UCKL1: variants seen among roughly 807,000 people sequenced by gnomAD.
UCKL1 encodes uridine-cytidine kinase 1 like 1.
Under a neutral mutation model 59.2 loss-of-function variants are expected in UCKL1, and 65 were observed. The ratio of observed to expected loss-of-function variants is 1.10; its 90% confidence interval spans 0.90 to 1.35. The LOEUF (loss-of-function observed/expected upper bound fraction) is 1.35, where lower values mean the gene tolerates loss of function less well. UCKL1 is among the 40% of genes most tolerant of loss of function. The pLI, the probability that UCKL1 is intolerant of heterozygous loss-of-function variation, is 0.00. For missense variants in UCKL1, 703 were observed against 784.3 expected (o/e 0.90, Z 1.24); for synonymous variants, 410 against 323.1 (o/e 1.27, Z -2.88).
intron 1 of UCKL1, chr20:63,950,638 G>C (rs916475408): frequency 4.2e-6 from 5 of 1,192,872 alleles, no homozygotes; most frequent in Middle Eastern, 2.0e-4. Context: ...GTGCCCGAGA[G>C]CACCTGCCAG....
intron 8 of UCKL1, among the ~76,000 whole-genome samples, chr20:63,941,789 G>A (rs570451176): frequency 6.6e-6 from 1 of 152,228 alleles, no homozygotes; most frequent in South Asian, 2.1e-4. Flanking sequence ...AAAGGGCGGG[G>A]TGGAGGCAAG....
At position 63,940,932 on chromosome 20, in the gene UCKL1, G is replaced by A. The variant is rs565540764; in HGVS notation, c.1116+18C>T. On this transcript the variant is annotated intron_variant, in intron 10 of 14. Coordinates refer to ENST00000354216, the MANE Select transcript of UCKL1 (RefSeq NM_017859.4). ...CTCCAAGACCCACCCTCCACCTCGC[G>A]GGCTACGGGCTACGAACCTGAAAGG... is the stretch of plus-strand genomic sequence containing the variant. The A allele has an allele frequency of 1.3e-6, 2 of 1,518,844 alleles. No individual in the cohort carries two copies. Among genetic ancestry groups the A allele is most frequent in the East Asian group, 2.3e-5 (1 of 43,896 alleles). The allele number at this position is 1,518,844 out of a possible 1,614,324, so 94.1% of individuals were successfully genotyped here.
At position 63,946,610 on chromosome 20, in the gene UCKL1, T is replaced by G; in HGVS notation, c.147A>C (p.Pro49=). The G allele has an allele frequency of 6.2e-7, 1 of 1,610,342 alleles. No homozygotes were observed. The highest frequency in any genetic ancestry group is 8.5e-7 in the Non-Finnish European group (1 of 1,179,830). ...GGGGAGAGCGCCCAGTGCCCACAGG[T>G]GGCAGGAGCCTGTCCAGGGACTCTG... ...SNAESLDRLL[P]PVGTGRSPRK... The change falls in exon 2 of 15, where the codon CCA becomes CCC. Residue 49 remains proline, a synonymous_variant. Coordinates refer to ENST00000354216, the MANE Select transcript of UCKL1 (RefSeq NM_017859.4).
intron 1 of UCKL1, chr20:63,950,880 T>C: frequency 6.9e-7 from 1 of 1,447,542 alleles, no homozygotes; most frequent in Non-Finnish European, 9.1e-7. Flanking sequence ...CAGGGGTGGA[T>C]GCGTGGGGGC....
Position 63,939,902 on chromosome 20 carries a change from A to G in UCKL1, c.*74T>C. 8.2e-7 allele frequency: 1 copy of G among 1,226,760 alleles called. No homozygotes were observed. The highest frequency in any genetic ancestry group is 2.3e-5 in the East Asian group (1 of 42,598). 76.0% of individuals were successfully genotyped at this position (1,226,760 alleles called of 1,614,324 possible). A position where few individuals can be genotyped will look rare whatever the true frequency, so the allele number is the denominator to read the frequency against. ...TATACTAGTAACATTTTAAAAATTA[A>G]CATCTTTGTATTCAGCAGTCCTGGG... On this transcript the variant is annotated 3_prime_UTR_variant, in exon 15 of 15. Coordinates refer to ENST00000354216, the MANE Select transcript of UCKL1 (RefSeq NM_017859.4).
intron 1 of UCKL1, among the ~76,000 whole-genome samples, chr20:63,948,712 G>T (rs914427893): frequency 6.8e-6 from 1 of 146,418 alleles, no homozygotes; most frequent in Non-Finnish European, 1.5e-5. Flanking sequence ...TAAGGGAGGG[G>T]GTGTGTGTGA....
In UCKL1 at chr20:63,956,297, G is replaced by T; in HGVS notation, c.76C>A (p.Arg26=). 6.4e-7 allele frequency: 1 copy of T among 1,562,746 alleles called. No homozygotes were observed. The highest frequency in any genetic ancestry group is 8.6e-7 in the Non-Finnish European group (1 of 1,158,864). ...SPPTARDTPG[R]QAEKSETACE... is the part of the protein sequence containing the mutation. ...GCGGTCTCGCTTTTCTCAGCCTGCC[G>T]GCCTGGTGTGTCTCGGGCCGTAGGT... Residue 26 remains arginine (R), a synonymous_variant, in exon 1 of 15, where the codon CGG becomes AGG. Coordinates refer to ENST00000354216, the MANE Select transcript of UCKL1 (RefSeq NM_017859.4).
chr20:63,946,623 T>C lies in UCKL1; in HGVS notation c.134A>G (p.Asp45Gly), dbSNP rs570514825. The C allele has an allele frequency of 1.2e-5, 20 of 1,609,314 alleles. No individual in the cohort carries two copies. The East Asian group carries it at 4.2e-4, about 34-fold the overall frequency. The part of the protein sequence containing the change: ...CEDRSNAESL[D>G]RLLPPVGTGR... ...AGTGCCCACAGGTGGCAGGAGCCTGTCCAGGGACTCTGCATTGCTGCTGCA... is the reference window on the plus strand; with the variant it reads ...AGTGCCCACAGGTGGCAGGAGCCTGCCCAGGGACTCTGCATTGCTGCTGCA... Residue 45 changes from aspartate (D) to glycine (G), a missense_variant, in exon 2 of 15, where the codon GAC becomes GGC. Asp to Gly is a moderately conservative substitution (Grantham distance 94). Transcript: ENST00000354216.
chr20:63,947,273 G>A (rs1437883225), intron 1 of UCKL1, among the ~76,000 whole-genome samples: 2 of 152,216 alleles, frequency 1.3e-5, no homozygotes, highest in Admixed American at 6.5e-5. Flanking sequence ...ACAGGCACTG[G>A]CTGGGCCAGG....
chr20:63,948,600 CGTGT>C (rs1569122055), intron 1 of UCKL1: 21 of 26,086 alleles, frequency 8.1e-4, no homozygotes, highest in African/African-American at 1.8e-3. Flanking sequence ...AGGGAGGGGG[CGTGT>C]GTGAGAGGGA....
At position 63,943,719 on chromosome 20, in the gene UCKL1, C is replaced by T. The variant is rs192957437; in HGVS notation, c.907-50G>A. 4.7e-5 allele frequency: 76 copies of T among 1,611,442 alleles called. No individual in the cohort carries two copies. The East Asian group carries it at 1.4e-3, about 30-fold the overall frequency. On this transcript the variant is annotated intron_variant, in intron 7 of 14. Coordinates refer to ENST00000354216, the MANE Select transcript of UCKL1 (RefSeq NM_017859.4). ...CAAGGGAACGGTGGCGCGTCAGTGA[C>T]CAGGGCAGGCGGCCAGGCCACCCCC...
chr20:63,953,756 C>T (rs1353262350), intron 1 of UCKL1: 5 of 152,494 alleles, frequency 3.3e-5, no homozygotes, highest in African/African-American at 1.2e-4. Flanking sequence ...AGGGCTGCCC[C>T]TCACGAACCA....
At chr20:63,949,185 A>G (rs559883331) in intron 1 of UCKL1, among the ~76,000 whole-genome samples, 1 of 152,312 alleles carries the variant, frequency 6.6e-6, no homozygotes, top group Non-Finnish European at 1.5e-5. Context: ...AGCCTCACTC[A>G]GCCTCACCTC....
chr20:63,940,760 C>T lies in UCKL1; in HGVS notation c.1179+34G>A, dbSNP rs571451871. 148 of 1,604,406 alleles carry T rather than the reference C, an allele frequency of 9.2e-5. 1 individual carries two copies. In the Middle Eastern group the frequency reaches 1.0e-3, roughly 11 times the overall value. ...AAGCGCCCACATCCCGCCCCAGCAG[C>T]CTGTCCCGCGCCCAGGTGTGCCCAG... On this transcript the variant is annotated intron_variant, in intron 11 of 14. Transcript: ENST00000354216.
chr20:63,947,245 G>A (rs1359077817), intron 1 of UCKL1, among the ~76,000 whole-genome samples: 3 of 152,232 alleles, frequency 2.0e-5, no homozygotes, highest in African/African-American at 7.2e-5. Context: ...TTGGGGCCAT[G>A]CTCATCCTGC....
At chr20:63,955,873 AGCCCTG>A (rs2058540974) in intron 1 of UCKL1, 1 of 161,856 alleles carries the variant, frequency 6.2e-6, no homozygotes, top group Admixed American at 6.5e-5. Context: ...CCAAATCCTA[AGCCCTG>A]GCCTCGCGGG....
In UCKL1 at chr20:63,946,169, A is replaced by AG. The variant is rs1383628952; in HGVS notation, c.402dup (p.Phe135LeufsTer7). 1 of 1,612,218 alleles carries AG rather than the reference A, an allele frequency of 6.2e-7. No homozygotes were observed. Among genetic ancestry groups the AG allele is most frequent in the South Asian group, 1.1e-5 (1 of 90,994 alleles). ...GCTGGGCGGGGGCCCACCTTGTAGA[A>AG]GGAGTCCATGGACAGCAAGACCACC... On this transcript the variant is annotated frameshift_variant, in exon 3 of 15. Coordinates refer to ENST00000354216, the MANE Select transcript of UCKL1 (RefSeq NM_017859.4). LOFTEE classifies it high-confidence loss of function.
In UCKL1 at chr20:63,946,374, C is replaced by T. The variant is rs2056211642; in HGVS notation, c.304+79G>A. The stretch of plus-strand genomic sequence containing the variant: ...CCGCTGCCTGCGGTTGCCCGGCTTC[C>T]TTCTCCTGCTCCACAGGCACTGGAG... On this transcript the variant is annotated intron_variant, in intron 2 of 14. Transcript: ENST00000354216. The T allele has an allele frequency of 2.6e-6, 4 of 1,525,654 alleles. No homozygotes were observed. The African/African-American group carries it at 4.1e-5, about 16-fold the overall frequency. The allele number at this position is 1,525,654 out of a possible 1,614,324, so 94.5% of individuals were successfully genotyped here. A position where few individuals can be genotyped will look rare whatever the true frequency, so the allele number is the denominator to read the frequency against.
chr20:63,943,771 C>T (rs1020434894), intron 7 of UCKL1, 102 bp from the exon 8 acceptor site: 8 of 1,550,368 alleles, frequency 5.2e-6, no homozygotes, highest in Admixed American at 1.7e-5. Flanking sequence ...GCTGCAGGCC[C>T]GCGGGGACAC....
Sources: gnomAD v4.1 joint callset for allele counts (sites outside exome capture counted in the v4.1 genomes callset) on GRCh38, gnomAD v4.1.1 for gene constraint, MANE v1.5 for transcripts, NCBI Gene and HGNC (gene_info 2026-07-23, HGNC 2026-07-21) for gene names.